Variants in PRG4 observed in about 807,000 individuals in gnomAD.
PRG4 encodes the protein proteoglycan 4.
Under a neutral mutation model 91.2 loss-of-function variants are expected in PRG4, and 61 were observed. The observed-to-expected ratio is 0.67, with a 90% CI of 0.54 to 0.83. PRG4 has a LOEUF of 0.83. Ranked by LOEUF, PRG4 falls within the 40% of genes least tolerant of loss-of-function variation. The probability of loss-of-function intolerance (pLI) is 0.00; values close to 1 mark genes in which losing one functional copy is unlikely to be tolerated. For missense variants in PRG4, 1,564 were observed against 1,714.2 expected (o/e 0.91, Z 1.55); for synonymous variants, 576 against 614.2 (o/e 0.94, Z 0.92).
chr1:186,307,143 C>G lies in PRG4; in HGVS notation c.1424C>G (p.Ala475Gly). 1 of 1,167,360 alleles carries G rather than the reference C, an allele frequency of 8.6e-7. No homozygotes were observed. Among genetic ancestry groups the G allele is most frequent in the Non-Finnish European group, 1.2e-6 (1 of 835,802 alleles). The allele number at this position is 1,167,360 out of a possible 1,614,324, so 72.3% of individuals were successfully genotyped here. The change falls in exon 7 of 13, where the codon GCA becomes GGA. Residue 475 changes from alanine (A) to glycine (G), a missense_variant. Physicochemically the swap from Ala to Gly is moderately conservative, Grantham distance 60. Coordinates refer to ENST00000445192, the MANE Select transcript of PRG4 (RefSeq NM_005807.6). ...KEPAPTTKEPAPTTPKEPAPT... is the reference protein window; with the variant it reads ...KEPAPTTKEPGPTTPKEPAPT... ...CCTGCACCCACCACCAAGGAGCCTGCACCCACCACTCCCAAAGAGCCTGCA... is the reference window on the plus strand; with the variant it reads ...CCTGCACCCACCACCAAGGAGCCTGGACCCACCACTCCCAAAGAGCCTGCA...
chr1:186,297,026 A>C, intron 2 of PRG4, 75 bp downstream of exon 2: 9 of 1,301,798 alleles, frequency 6.9e-6, no homozygotes, highest in Non-Finnish European at 9.9e-6. Context: ...ATAACAACGG[A>C]AATATATTTC....
In PRG4 at chr1:186,308,473, G is replaced by A; in HGVS notation, c.2754G>A (p.Lys918=). Residue 918 remains lysine, a synonymous_variant, in exon 7 of 13, where the codon AAG becomes AAA. Transcript: ENST00000445192. The stretch of plus-strand genomic sequence containing the variant: ...AAATGACTACAACAGCTAAAGACAA[G>A]ACAACAGAAAGAGACTTACGTACTA... ...KPEMTTTAKD[K]TTERDLRTTP... is the part of the protein sequence containing the mutation. 6.2e-7 allele frequency: 1 copy of A among 1,613,824 alleles called. No individual in the cohort carries two copies.
At chr1:186,311,354 C>T (rs777474194) in intron 9 of PRG4, 86 bp from the exon 10 acceptor site, 62 of 1,468,104 alleles carry the variant, frequency 4.2e-5, no homozygotes, top group Middle Eastern at 1.7e-4. Flanking sequence ...CAAGTTAACA[C>T]GTTCTCTCTA....
At position 186,313,782 on chromosome 1, in the gene PRG4, G is replaced by A. The variant is rs1229245896; in HGVS notation, c.*4G>A. 1.9e-6 allele frequency: 3 copies of A among 1,584,086 alleles called. No individual in the cohort carries two copies. Among genetic ancestry groups the A allele is most frequent in the Non-Finnish European group, 2.6e-6 (3 of 1,152,898 alleles). On this transcript the variant is annotated 3_prime_UTR_variant, in exon 13 of 13. Transcript: ENST00000445192. ...AGTCTGGTACAACTGTCCTTAGACT[G>A]ATGAGCAAAGGAGGAGTCAACTAAT...
rs2102017481 is a variant in PRG4 at position 186,304,901 on chromosome 1, G to T, written c.577G>T (p.Glu193Ter). 6.2e-7 allele frequency: 1 copy of T among 1,613,128 alleles called. No individual in the cohort carries two copies. Among genetic ancestry groups the T allele is most frequent in the East Asian group, 2.2e-5 (1 of 44,774 alleles). Reference sequence around the variant, plus strand: ...TTCCAAAAATTCAGCTGCTAATAGAGAATTACAGAAGAAACTCAAAGGTTT... The same window carrying T: ...TTCCAAAAATTCAGCTGCTAATAGATAATTACAGAAGAAACTCAAAGGTTT... ...KSSKNSAANR[E>*]LQKKLKVKDN... The change falls in exon 6 of 13, where the codon GAA becomes TAA. Residue 193 changes from glutamate to a stop codon, truncating the protein, a stop_gained. Transcript: ENST00000445192. LOFTEE classifies it high-confidence loss of function.
Position 186,307,843 on chromosome 1 carries a change from C to T in PRG4, c.2124C>T (p.Thr708=). 1 of 1,608,914 alleles carries T rather than the reference C, an allele frequency of 6.2e-7. No homozygotes were observed. The highest frequency in any genetic ancestry group is 8.5e-7 in the Non-Finnish European group (1 of 1,178,736). The change falls in exon 7 of 13, where the codon ACC becomes ACT. Residue 708 remains threonine (T), a synonymous_variant. Coordinates refer to ENST00000445192, the MANE Select transcript of PRG4 (RefSeq NM_005807.6). The stretch of plus-strand genomic sequence containing the variant: ...CCCCTAAGGAGACTGCTCCAACTAC[C>T]CCTAAAGGGACTGCTCCAACTACCC... ...PTTPKETAPT[T]PKGTAPTTLK...
rs1656826120 is a variant in PRG4 at position 186,307,770 on chromosome 1, C to A, written c.2051C>A (p.Thr684Asn). The A allele has an allele frequency of 6.2e-6, 10 of 1,612,660 alleles. No homozygotes were observed. In the South Asian group the frequency reaches 1.1e-4, roughly 18 times the overall value. ...ACCCCTAAGGAGCCTGCTCCAACTA[C>A]CCCTAAGGAGCCTGCTCCAACTACC... ...PNTPKEPAPT[T>N]PKEPAPTTPK... Residue 684 changes from threonine (T) to asparagine (N), a missense_variant, in exon 7 of 13, where the codon ACC becomes AAC. By Grantham distance (65) the Thr-to-Asn change is moderately conservative. Transcript: ENST00000445192.
chr1:186,305,028 G>A, intron 6 of PRG4, 106 bp downstream of exon 6: 2 of 1,191,024 alleles, frequency 1.7e-6, no homozygotes, highest in South Asian at 1.4e-5. Context: ...AATATGGGGG[G>A]GAATATAACT....
At position 186,314,450 on chromosome 1, in the gene PRG4, A is replaced by G. The variant is rs1234307623; in HGVS notation, c.*672A>G. 4.4e-6 allele frequency: 2 copies of G among 455,068 alleles called. No individual in the cohort carries two copies. Among genetic ancestry groups the G allele is most frequent in the Non-Finnish European group, 7.8e-6 (2 of 257,532 alleles). The allele number at this position is 455,068 out of a possible 1,614,324, so 28.2% of individuals were successfully genotyped here. A position where few individuals can be genotyped will look rare whatever the true frequency, so the allele number is the denominator to read the frequency against. ...CACATATTTATTATATATCTAAGGT[A>G]TACAAATCTGTCTACATGAAGTTTA... is the stretch of plus-strand genomic sequence containing the variant. On this transcript the variant is annotated 3_prime_UTR_variant, in exon 13 of 13. Transcript: ENST00000445192.
chr1:186,300,138 G>A lies in PRG4; in HGVS notation c.124G>A (p.Ala42Thr), dbSNP rs540749442. ...GRCGEGYSRD[A>T]TCNCDYNCQH... is the part of the protein sequence containing the mutation. ...ATGTGGGGAAGGGTATTCTAGAGAT[G>A]CCACCTGCAACTGTGATTATAACTG... The change falls in exon 3 of 13, where the codon GCC becomes ACC. Residue 42 changes from alanine (A) to threonine (T), a missense_variant. This residue lies in a region of PRG4 where 437 missense variants were observed against 459.0 expected (regional missense o/e 0.95). Coordinates refer to ENST00000445192, the MANE Select transcript of PRG4 (RefSeq NM_005807.6). The A allele has an allele frequency of 1.2e-6, 2 of 1,613,872 alleles. No homozygotes were observed. Among genetic ancestry groups the A allele is most frequent in the Non-Finnish European group, 1.7e-6 (2 of 1,179,768 alleles).
In PRG4 at chr1:186,311,376, A is replaced by G. The variant is rs552052747; in HGVS notation, c.3637-64A>G. ...ACACGTTCTCTCTATACTTAAATCTAGAAAGGAGTTCCAAATCTTTTTTCC... is the reference window on the plus strand; with the variant it reads ...ACACGTTCTCTCTATACTTAAATCTGGAAAGGAGTTCCAAATCTTTTTTCC... On this transcript the variant is annotated intron_variant, in intron 9 of 12. Transcript: ENST00000445192. 3.4e-5 allele frequency: 53 copies of G among 1,537,802 alleles called. 1 individual carries two copies. In the Middle Eastern group the frequency reaches 1.4e-3, roughly 39 times the overall value.
chr1:186,310,989 G>C, intron 8 of PRG4, 45 bp from the exon 9 acceptor site: 1 of 1,611,250 alleles, frequency 6.2e-7, no homozygotes, highest in Non-Finnish European at 8.5e-7. Flanking sequence ...TTTGTGATAG[G>C]TTTAGCATTC....
In PRG4 at chr1:186,308,863, G is replaced by C; in HGVS notation, c.3144G>C (p.Thr1048=). 6.2e-7 allele frequency: 1 copy of C among 1,613,690 alleles called. No individual in the cohort carries two copies. The highest frequency in any genetic ancestry group is 8.5e-7 in the Non-Finnish European group (1 of 1,179,942). ...KTMPRVRKPK[T]TPTPRKMTST... Reference sequence around the variant, plus strand: ...TGCCTAGAGTGAGAAAACCAAAGACGACACCAACTCCCCGCAAGATGACAT... The same window carrying C: ...TGCCTAGAGTGAGAAAACCAAAGACCACACCAACTCCCCGCAAGATGACAT... The change falls in exon 7 of 13, where the codon ACG becomes ACC. Residue 1048 remains threonine, a synonymous_variant. Coordinates refer to ENST00000445192, the MANE Select transcript of PRG4 (RefSeq NM_005807.6).
In PRG4 at chr1:186,306,393, G is replaced by A. The variant is rs1428520633; in HGVS notation, c.674G>A (p.Gly225Glu). 1.9e-6 allele frequency: 3 copies of A among 1,612,822 alleles called. No homozygotes were observed. The African/African-American group carries it at 4.0e-5, about 22-fold the overall frequency. The change falls in exon 7 of 13, where the codon GGA becomes GAA. Residue 225 changes from glycine (G) to glutamate (E), a missense_variant. By Grantham distance (98) the Gly-to-Glu change is moderately conservative (BLOSUM62 -2). Coordinates refer to ENST00000445192, the MANE Select transcript of PRG4 (RefSeq NM_005807.6). ...KPPVVDEAGS[G>E]LDNGDFKVTT... Reference sequence around the variant, plus strand: ...CCAGTTGTAGATGAAGCTGGAAGTGGATTGGACAATGGTGACTTCAAGGTC... The same window carrying A: ...CCAGTTGTAGATGAAGCTGGAAGTGAATTGGACAATGGTGACTTCAAGGTC...
Position 186,300,112 on chromosome 1 carries a change from G to A in PRG4, c.98G>A (p.Arg33Lys), listed in dbSNP as rs1656102658. 6.2e-7 allele frequency: 1 copy of A among 1,613,992 alleles called. No homozygotes were observed. Among genetic ancestry groups the A allele is most frequent in the Admixed American group, 1.7e-5 (1 of 60,008 alleles). The change falls in exon 3 of 13, where the codon AGA becomes AAA. Residue 33 changes from arginine (R) to lysine (K), a missense_variant. Arg to Lys is a conservative substitution (Grantham distance 26, BLOSUM62 2). This residue lies in a region of PRG4 where 437 missense variants were observed against 459.0 expected (regional missense o/e 0.95). Coordinates refer to ENST00000445192, the MANE Select transcript of PRG4 (RefSeq NM_005807.6). ...TTAGATTTATCAAGCTGTGCAGGGA[G>A]ATGTGGGGAAGGGTATTCTAGAGAT... ...SSQDLSSCAG[R>K]CGEGYSRDAT...
chr1:186,309,847 AT>A lies in PRG4; in HGVS notation c.3477del (p.Asn1159LysfsTer4). On this transcript the variant is annotated frameshift_variant, in exon 8 of 13. Coordinates refer to ENST00000445192, the MANE Select transcript of PRG4 (RefSeq NM_005807.6). LOFTEE classifies it high-confidence loss of function. ...KPVDGLTTLR[N>X]GTLVAFRGHY... is the part of the protein sequence containing the mutation. Reference sequence around the variant, plus strand: ...GTAGATGGACTGACTACTTTGCGCAATGGGACATTAGTTGCATTCCGAGGTG... The same window carrying A: ...GTAGATGGACTGACTACTTTGCGCAAGGGACATTAGTTGCATTCCGAGGTG... 1 of 1,613,688 alleles carries A rather than the reference AT, an allele frequency of 6.2e-7. No individual in the cohort carries two copies. The highest frequency in any genetic ancestry group is 8.5e-7 in the Non-Finnish European group (1 of 1,179,690).
Position 186,311,605 on chromosome 1 carries a change from T to C in PRG4, c.3793+9T>C. Reference sequence around the variant, plus strand: ...GTATTTTTTCAAGAGAGGTATGTGTTACATAATTGACAAGATTACAAAACT... The same window carrying C: ...GTATTTTTTCAAGAGAGGTATGTGTCACATAATTGACAAGATTACAAAACT... On this transcript the variant is annotated intron_variant, in intron 10 of 12. Transcript: ENST00000445192. 6.2e-7 allele frequency: 1 copy of C among 1,612,250 alleles called. No individual in the cohort carries two copies. Among genetic ancestry groups the C allele is most frequent in the South Asian group, 1.1e-5 (1 of 90,970 alleles).
intron 6 of PRG4, among the ~76,000 whole-genome samples, chr1:186,305,772 T>A (rs1656515099): frequency 7.2e-6 from 1 of 139,354 alleles, no homozygotes; most frequent in African/African-American, 3.4e-5. Flanking sequence ...AAGCTCCTCC[T>A]TATGTCCCCT....
At position 186,311,596 on chromosome 1, in the gene PRG4, GGTA is replaced by G. The variant is rs1657241349; in HGVS notation, c.3793+1_3793+3del. 1 of 1,612,944 alleles carries G rather than the reference GGTA, an allele frequency of 6.2e-7. No homozygotes were observed. The highest frequency in any genetic ancestry group is 1.7e-5 in the Admixed American group (1 of 59,980). On this transcript the variant is annotated splice_donor_variant and splice_donor_region_variant and intron_variant, in intron 10 of 12. Transcript: ENST00000445192. LOFTEE classifies it high-confidence loss of function. ...TGAATCTGTGTATTTTTTCAAGAGA[GGTA>G]TGTGTTACATAATTGACAAGATTAC...
Sources: gnomAD v4.1 joint callset for allele counts (sites outside exome capture counted in the v4.1 genomes callset) on GRCh38, gnomAD v4.1.1 for gene constraint, gnomAD v4.1.1 regional missense constraint, MANE v1.5 for transcripts, NCBI Gene and HGNC (gene_info 2026-07-23, HGNC 2026-07-21) for gene names.